RNF187: variants seen among roughly 807,000 people sequenced by gnomAD.
The protein encoded by RNF187 is ring finger protein 187.
In RNF187, 18 loss-of-function variants were observed where a neutral mutation model predicts 22.2. That is an observed-to-expected ratio of 0.81 (90% CI 0.56 to 1.20). The LOEUF (loss-of-function observed/expected upper bound fraction) is 1.20. Ranked by LOEUF, RNF187 falls within the 50% of genes most tolerant of loss-of-function variation. The probability of loss-of-function intolerance (pLI) is 0.00; values close to 1 mark genes in which losing one functional copy is unlikely to be tolerated. For synonymous variants in RNF187, 164 were observed against 140.9 expected (o/e 1.16, Z -1.16); for missense variants, 329 against 317.6 (o/e 1.04, Z -0.27).
chr1:228,490,769 T>G, intron 2 of RNF187, among the ~76,000 whole-genome samples: 1 of 152,090 alleles, frequency 6.6e-6, no homozygotes, highest in African/African-American at 2.4e-5. Context: ...AGGTTAGGAG[T>G]TGGCTGAAAA....
Position 228,493,746 on chromosome 1 carries a change from G to A in RNF187, c.706-137G>A. On this transcript the variant is annotated intron_variant, in intron 3 of 3. Transcript: ENST00000305943. This position sits in a 1 kb window ranked among gnomAD's most constrained non-coding sequence, Gnocchi z 4.7. ...GAAGTCTGGGCCAGGCCCTGGGTTT[G>A]TTGTGCTCAGGACAGTACCTCATGC... 60 of 986,394 alleles carry A rather than the reference G, an allele frequency of 6.1e-5. No homozygotes were observed. In the South Asian group the frequency reaches 6.9e-4, roughly 11 times the overall value. 61.1% of individuals were successfully genotyped at this position (986,394 alleles called of 1,614,324 possible).
Position 228,487,834 on chromosome 1 carries a change from C to T in RNF187, c.346C>T (p.Pro116Ser). ...CTGCCGTATGGCTGCGGGCCCCGAG[C>T]CGCCCGAGTGGGAACCGCGCTGGAG... is the stretch of plus-strand genomic sequence containing the variant. The change falls in exon 1 of 4, where the codon CCG becomes TCG. Residue 116 changes from proline to serine, a missense_variant. By Grantham distance (74) the Pro-to-Ser change is moderately conservative (BLOSUM62 -1). Transcript: ENST00000305943. 1.6e-6 allele frequency: 2 copies of T among 1,223,652 alleles called. No homozygotes were observed. The highest frequency in any genetic ancestry group is 2.0e-6 in the Non-Finnish European group (2 of 976,778). The allele number at this position is 1,223,652 out of a possible 1,614,324, so 75.8% of individuals were successfully genotyped here.
At chr1:228,489,855 A>T in intron 2 of RNF187, among the ~76,000 whole-genome samples, 1 of 152,132 alleles carries the variant, frequency 6.6e-6, no homozygotes. Context: ...CTGCCTCCTA[A>T]CGCCATCACC....
chr1:228,494,044 AC>A lies in RNF187; in HGVS notation c.*163del. On this transcript the variant is annotated 3_prime_UTR_variant, in exon 4 of 4. Coordinates refer to ENST00000305943, the MANE Select transcript of RNF187 (RefSeq NM_001010858.3). ...TTTCAACAATGTCCATTTATCCTTC[AC>A]CCCGAGGCGTGTTTTGGGGGCTGCA... The A allele has an allele frequency of 6.5e-7, 1 of 1,527,802 alleles. No individual in the cohort carries two copies. Among genetic ancestry groups the A allele is most frequent in the South Asian group, 1.2e-5 (1 of 81,720 alleles). The allele number at this position is 1,527,802 out of a possible 1,614,324, so 94.6% of individuals were successfully genotyped here. A position where few individuals can be genotyped will look rare whatever the true frequency, so the allele number is the denominator to read the frequency against.
intron 2 of RNF187, among the ~76,000 whole-genome samples, chr1:228,492,368 T>C: frequency 1.3e-5 from 2 of 151,754 alleles, no homozygotes; most frequent in African/African-American, 4.8e-5. Flanking sequence ...TATTGTTTTT[T>C]TTTTTGTTTT....
At chr1:228,488,807 C>T in intron 1 of RNF187, among the ~76,000 whole-genome samples, 153 bp from the exon 2 acceptor site, 3 of 152,250 alleles carry the variant, frequency 2.0e-5, no homozygotes, top group African/African-American at 4.8e-5. Context: ...TTTTGACTGC[C>T]TGTGCGTTCC....
In RNF187 at chr1:228,487,636, C is replaced by G; in HGVS notation, c.148C>G (p.Pro50Ala). ...CGAGGAGGACGGGCCCTTCCCGTGC[C>G]CCGAGTGCGCCGACGACTGCTGGCA... is the stretch of plus-strand genomic sequence containing the variant. The change falls in exon 1 of 4, where the codon CCC becomes GCC. Residue 50 changes from proline to alanine, a missense_variant. Physicochemically the swap from Pro to Ala is conservative, Grantham distance 27 (BLOSUM62 -1). Transcript: ENST00000305943. 1 of 1,197,282 alleles carries G rather than the reference C, an allele frequency of 8.4e-7. No individual in the cohort carries two copies. Among genetic ancestry groups the G allele is most frequent in the South Asian group, 2.3e-5 (1 of 43,052 alleles). The allele number at this position is 1,197,282 out of a possible 1,614,324, so 74.2% of individuals were successfully genotyped here.
chr1:228,493,331 G>T lies in RNF187; in HGVS notation c.705+57G>T. 6.6e-7 allele frequency: 1 copy of T among 1,509,924 alleles called. No individual in the cohort carries two copies. The highest frequency in any genetic ancestry group is 8.9e-7 in the Non-Finnish European group (1 of 1,123,678). 93.5% of individuals were successfully genotyped at this position (1,509,924 alleles called of 1,614,324 possible). A position where few individuals can be genotyped will look rare whatever the true frequency, so the allele number is the denominator to read the frequency against. On this transcript the variant is annotated intron_variant, in intron 3 of 3. Transcript: ENST00000305943. This position sits in a 1 kb window ranked among gnomAD's most constrained non-coding sequence, Gnocchi z 4.7. The stretch of plus-strand genomic sequence containing the variant: ...CGGGCCAGGGTGGACGCAGGCAGCA[G>T]CGAGCCATTGGGGGACCATTGCCCG...
Position 228,487,484 on chromosome 1 carries a change from C to T in RNF187, c.-5C>T, listed in dbSNP as rs886162693. ...GCGCCCTTGCCGGCCCCGCCGCCCG[C>T]AGCCCTGGCGCTCCCTGCGGGCCCC... On this transcript the variant is annotated 5_prime_UTR_variant, in exon 1 of 4. Transcript: ENST00000305943. 1.3e-5 allele frequency: 14 copies of T among 1,119,392 alleles called. No homozygotes were observed. In the African/African-American group the frequency reaches 2.3e-4, roughly 19 times the overall value. The allele number at this position is 1,119,392 out of a possible 1,614,324, so 69.3% of individuals were successfully genotyped here.
At chr1:228,488,078 T>G in intron 1 of RNF187, 200 bp downstream of exon 1, 2,101 of 197,686 alleles carry the variant, frequency 0.011, 39 homozygotes, top group African/African-American at 0.038. Context: ...CTCCTGCGGC[T>G]TGCCTCCCCA....
Position 228,495,045 on chromosome 1 carries a change from C to A in RNF187, c.*1160C>A. ...GGCCACCCTCCAGTGTCAAAGGAAA[C>A]TTCCTCGTGACACGTGCTAAAGCAT... On this transcript the variant is annotated 3_prime_UTR_variant, in exon 4 of 4. Coordinates refer to ENST00000305943, the MANE Select transcript of RNF187 (RefSeq NM_001010858.3). The A allele has an allele frequency of 1.0e-6, 1 of 985,130 alleles. No homozygotes were observed. The highest frequency in any genetic ancestry group is 1.2e-6 in the Non-Finnish European group (1 of 829,588). 61.0% of individuals were successfully genotyped at this position (985,130 alleles called of 1,614,324 possible). A position where few individuals can be genotyped will look rare whatever the true frequency, so the allele number is the denominator to read the frequency against.
At chr1:228,489,429 C>T in intron 2 of RNF187, among the ~76,000 whole-genome samples, 8 of 152,230 alleles carry the variant, frequency 5.3e-5, no homozygotes, top group African/African-American at 1.9e-4. Flanking sequence ...ACCTCAGCCT[C>T]TGGGACTATA....
Position 228,494,705 on chromosome 1 carries a change from T to C in RNF187, c.*820T>C. The stretch of plus-strand genomic sequence containing the variant: ...TAGTAGTTGAATTTTGCAAAGCTTG[T>C]AGCAGTAGCTCAGTTGCCTGCAGCA... On this transcript the variant is annotated 3_prime_UTR_variant, in exon 4 of 4. Coordinates refer to ENST00000305943, the MANE Select transcript of RNF187 (RefSeq NM_001010858.3). The C allele has an allele frequency of 1.0e-6, 1 of 985,648 alleles. No homozygotes were observed. Among genetic ancestry groups the C allele is most frequent in the Non-Finnish European group, 1.2e-6 (1 of 830,060 alleles). The allele number at this position is 985,648 out of a possible 1,614,324, so 61.1% of individuals were successfully genotyped here.
In RNF187 at chr1:228,494,973, C is replaced by T; in HGVS notation, c.*1088C>T. 54 of 985,444 alleles carry T rather than the reference C, an allele frequency of 5.5e-5. No individual in the cohort carries two copies. The highest frequency in any genetic ancestry group is 6.1e-5 in the Non-Finnish European group (51 of 830,056). 61.0% of individuals were successfully genotyped at this position (985,444 alleles called of 1,614,324 possible). A position where few individuals can be genotyped will look rare whatever the true frequency, so the allele number is the denominator to read the frequency against. On this transcript the variant is annotated 3_prime_UTR_variant, in exon 4 of 4. Coordinates refer to ENST00000305943, the MANE Select transcript of RNF187 (RefSeq NM_001010858.3). ...TGAATAAAGTGGGTTTGTGTCAGCT[C>T]GTTTGCTTCGTCTCCGTGTGTCCAC...
chr1:228,494,794 G>A lies in RNF187; in HGVS notation c.*909G>A. 1 of 985,504 alleles carries A rather than the reference G, an allele frequency of 1.0e-6. No homozygotes were observed. Among genetic ancestry groups the A allele is most frequent in the Non-Finnish European group, 1.2e-6 (1 of 829,994 alleles). 61.0% of individuals were successfully genotyped at this position (985,504 alleles called of 1,614,324 possible). A position where few individuals can be genotyped will look rare whatever the true frequency, so the allele number is the denominator to read the frequency against. On this transcript the variant is annotated 3_prime_UTR_variant, in exon 4 of 4. Coordinates refer to ENST00000305943, the MANE Select transcript of RNF187 (RefSeq NM_001010858.3). The stretch of plus-strand genomic sequence containing the variant: ...ACTGGGGACAGGATTGCAAAGTCGG[G>A]GACATAGATGCAGACAGTTGTTGAG...
At chr1:228,492,361 TG>T in intron 2 of RNF187, among the ~76,000 whole-genome samples, 3 of 151,724 alleles carry the variant, frequency 2.0e-5, no homozygotes, top group African/African-American at 7.2e-5. Context: ...CTTCTGTTAT[TG>T]TTTTTTTTTT....
Position 228,493,660 on chromosome 1 carries a change from C to T in RNF187, c.706-223C>T. Among the ~76,000 whole-genome samples, 2 of 152,218 alleles carry T rather than the reference C, an allele frequency of 1.3e-5. No homozygotes were observed. Among genetic ancestry groups the T allele is most frequent in the African/African-American group, 2.4e-5 (1 of 41,466 alleles). On this transcript the variant is annotated intron_variant, in intron 3 of 3. Transcript: ENST00000305943. The surrounding 1 kb of genome is among the most constrained non-coding windows in gnomAD (Gnocchi z 4.7). ...CAGACCCTGCAGCAACCCAGATGGCCCTGAACGGTTCAGTTGCCCGTGCCA... is the reference window on the plus strand; with the variant it reads ...CAGACCCTGCAGCAACCCAGATGGCTCTGAACGGTTCAGTTGCCCGTGCCA...
At position 228,487,648 on chromosome 1, in the gene RNF187, G is replaced by T; in HGVS notation, c.160G>T (p.Asp54Tyr). The T allele has an allele frequency of 8.5e-7, 1 of 1,172,382 alleles. No homozygotes were observed. Among genetic ancestry groups the T allele is most frequent in the South Asian group, 2.6e-5 (1 of 39,076 alleles). 72.6% of individuals were successfully genotyped at this position (1,172,382 alleles called of 1,614,324 possible). A position where few individuals can be genotyped will look rare whatever the true frequency, so the allele number is the denominator to read the frequency against. Reference sequence around the variant, plus strand: ...GCCCTTCCCGTGCCCCGAGTGCGCCGACGACTGCTGGCAGCGCGCCGTGGA... The same window carrying T: ...GCCCTTCCCGTGCCCCGAGTGCGCCTACGACTGCTGGCAGCGCGCCGTGGA... Residue 54 changes from aspartate (D) to tyrosine (Y), a missense_variant, in exon 1 of 4, where the codon GAC becomes TAC. By Grantham distance (160) the Asp-to-Tyr change is radical (BLOSUM62 -3). Coordinates refer to ENST00000305943, the MANE Select transcript of RNF187 (RefSeq NM_001010858.3).
intron 2 of RNF187, among the ~76,000 whole-genome samples, chr1:228,490,681 T>G: frequency 6.6e-6 from 1 of 152,210 alleles, no homozygotes; most frequent in Non-Finnish European, 1.5e-5. Flanking sequence ...ACCTGCCCTG[T>G]GTGGCCCAGG....
Sources: gnomAD v4.1 joint callset for allele counts (sites outside exome capture counted in the v4.1 genomes callset) on GRCh38, gnomAD v4.1.1 for gene constraint, Gnocchi (gnomAD v3.1) non-coding constraint, MANE v1.5 for transcripts, NCBI Gene and HGNC (gene_info 2026-07-23, HGNC 2026-07-21) for gene names.